TRPM1: variants seen among roughly 807,000 people sequenced by gnomAD.
TRPM1 encodes the protein transient receptor potential cation channel subfamily M member 1, also known as TRPM1-203 APA Isoform, Intron 10.
A neutral mutation model predicts 149.4 loss-of-function variants in TRPM1; 113 were observed. The ratio of observed to expected loss-of-function variants is 0.76; its 90% CI spans 0.65 to 0.88. The LOEUF (loss-of-function observed/expected upper bound fraction) is 0.88, where lower values mean the gene tolerates loss of function less well. TRPM1 is among the 40% of genes least tolerant of loss of function. The pLI, the probability that TRPM1 is intolerant of heterozygous loss-of-function variation, is 0.00. For synonymous variants in TRPM1, 741 were observed against 759.5 expected, an observed-to-expected ratio of 0.98 and a Z score of 0.40; for missense variants, 1,976 against 2,038.7, an observed-to-expected ratio of 0.97 and a Z score of 0.59.
chr15:31,044,780 C>CAAAAA (rs58619377), intron 16 of TRPM1, among the ~76,000 whole-genome samples: 2 of 69,508 alleles, frequency 2.9e-5, no homozygotes, highest in African/African-American at 4.8e-5. Flanking sequence ...GACTCCTACT[C>CAAAAA]AAAAAAAAAA....
At chr15:31,113,431 A>ATT (rs1491391645) in intron 1 of TRPM1, among the ~76,000 whole-genome samples, 1 of 89,358 alleles carries the variant, frequency 1.1e-5, no homozygotes, top group Non-Finnish European at 2.5e-5. Flanking sequence ...CAGCTCTGAC[A>ATT]GTTTTTTTTT....
At chr15:31,047,796 A>G in intron 14 of TRPM1, 93 bp downstream of exon 14, 1 of 1,019,948 alleles carries the variant, frequency 9.8e-7, no homozygotes, top group Non-Finnish European at 1.6e-6. Context: ...TGTGCCTGGA[A>G]TAATAATACA....
intron 1 of TRPM1, among the ~76,000 whole-genome samples, chr15:31,123,614 A>G (rs1260671356): frequency 6.6e-6 from 1 of 152,242 alleles, no homozygotes; most frequent in Non-Finnish European, 1.5e-5. Flanking sequence ...TGGGAATTGT[A>G]ACATCATTTG....
intron 3 of TRPM1, among the ~76,000 whole-genome samples, chr15:31,076,615 T>C (rs2034700198): frequency 6.6e-6 from 1 of 152,218 alleles, no homozygotes; most frequent in African/African-American, 2.4e-5. Flanking sequence ...CCTGGAAACC[T>C]GTTGAAAGCC....
At chr15:31,037,230 G>A (rs974792349) in intron 20 of TRPM1, among the ~76,000 whole-genome samples, 4 of 152,230 alleles carry the variant, frequency 2.6e-5, no homozygotes, top group Non-Finnish European at 4.4e-5. Context: ...CCAGCCAAGC[G>A]GGTCAGTTTG....
At chr15:31,030,776 A>G (rs2033031770) in intron 23 of TRPM1, among the ~76,000 whole-genome samples, 1 of 152,226 alleles carries the variant, frequency 6.6e-6, no homozygotes, top group South Asian at 2.1e-4. Context: ...ATTCTAGTGA[A>G]TTATTTTTAG....
chr15:31,034,837 T>C (rs2033273956), intron 21 of TRPM1, among the ~76,000 whole-genome samples: 1 of 152,266 alleles, frequency 6.6e-6, no homozygotes. Context: ...TTGCTGATGC[T>C]TTCCTATGCA....
At chr15:31,065,193 C>A in intron 7 of TRPM1, 3 of 514,106 alleles carry the variant, frequency 5.8e-6, no homozygotes, top group Admixed American at 2.1e-5. Flanking sequence ...GATGTGAGAA[C>A]AAAAAACATT....
intron 1 of TRPM1, among the ~76,000 whole-genome samples, chr15:31,091,597 C>CG (rs2035242211): frequency 6.6e-6 from 1 of 152,032 alleles, no homozygotes; most frequent in South Asian, 2.1e-4. Context: ...GGAGGCTGAC[C>CG]GGGTGGGAGT....
At chr15:31,033,098 T>C (rs2033170963) in intron 21 of TRPM1, 158 bp from the exon 22 acceptor site, 5 of 991,814 alleles carry the variant, frequency 5.0e-6, no homozygotes, top group Admixed American at 4.1e-5. Context: ...GGGAGAGATA[T>C]CTAGAAAGGG....
intron 3 of TRPM1, 65 bp downstream of exon 3, chr15:31,076,840 A>G: frequency 7.7e-7 from 1 of 1,296,198 alleles, no homozygotes; most frequent in Non-Finnish European, 1.1e-6. Context: ...GCCTCTTACA[A>G]ACATGAGAAT....
At chr15:31,158,503 T>C (rs2036405402) in intron 1 of TRPM1, among the ~76,000 whole-genome samples, 2 of 152,000 alleles carry the variant, frequency 1.3e-5, no homozygotes, top group South Asian at 2.1e-4. Flanking sequence ...GGCAGGTGCC[T>C]GTAGTCCCAA....
intron 1 of TRPM1, among the ~76,000 whole-genome samples, chr15:31,123,393 A>G (rs577210673): frequency 2.4e-3 from 364 of 152,348 alleles, no homozygotes; most frequent in Non-Finnish European, 4.0e-3. Context: ...CATTTAAAAA[A>G]CAGAGACTAG....
intron 2 of TRPM1, among the ~76,000 whole-genome samples, chr15:31,078,578 T>A (rs1030431417): frequency 6.6e-6 from 1 of 152,240 alleles, no homozygotes; most frequent in Admixed American, 6.5e-5. Flanking sequence ...CAGAGGTTGG[T>A]GCTTTTGTGC....
intron 6 of TRPM1, 70 bp from the exon 7 acceptor site, chr15:31,066,317 C>A (rs1461090442): frequency 6.5e-7 from 1 of 1,543,568 alleles, no homozygotes; most frequent in Non-Finnish European, 8.9e-7. Flanking sequence ...GAAGCAAGCA[C>A]AATACATATG....
chr15:31,036,843 G>A (rs1323428044), intron 20 of TRPM1, among the ~76,000 whole-genome samples: 2 of 152,212 alleles, frequency 1.3e-5, no homozygotes, highest in Non-Finnish European at 2.9e-5. Flanking sequence ...CTTGAGGTGG[G>A]CCCCCACACA....
intron 1 of TRPM1, among the ~76,000 whole-genome samples, chr15:31,130,438 T>A (rs1057508439): frequency 6.6e-6 from 1 of 152,196 alleles, no homozygotes; most frequent in Admixed American, 6.5e-5. Context: ...ACAAAGATGA[T>A]AACAGCCCTT....
At chr15:31,049,080 G>A (rs1412714812) in intron 13 of TRPM1, among the ~76,000 whole-genome samples, 2 of 152,108 alleles carry the variant, frequency 1.3e-5, no homozygotes, top group Non-Finnish European at 2.9e-5. Context: ...TCTGCTAATG[G>A]CTTGGGGAGC....
intron 27 of TRPM1, among the ~76,000 whole-genome samples, chr15:31,022,883 G>A (rs937683383): frequency 5.3e-5 from 8 of 152,322 alleles, no homozygotes; most frequent in East Asian, 1.9e-4. Context: ...TTAGCTGGGC[G>A]TGGTGGCACA....
Sources: gnomAD v4.1 joint callset for allele counts (sites outside exome capture counted in the v4.1 genomes callset) on GRCh38, gnomAD v4.1.1 for gene constraint, MANE v1.5 for transcripts, NCBI Gene and HGNC (gene_info 2026-07-23, HGNC 2026-07-21) for gene names.